PSD3: variants seen among roughly 807,000 people sequenced by gnomAD.
PSD3 encodes PH and SEC7 domain-containing protein 3.
PSD3 carries 49 observed loss-of-function variants against 105.5 expected under a neutral mutation model. The observed-to-expected ratio is 0.46, with a 90% CI of 0.37 to 0.59. The LOEUF (loss-of-function observed/expected upper bound fraction) is 0.59, where lower values mean the gene tolerates loss of function less well. Ranked by LOEUF, PSD3 falls within the 20% of genes least tolerant of loss-of-function variation. The probability of loss-of-function intolerance (pLI) is 0.00; values close to 1 mark genes in which losing one functional copy is unlikely to be tolerated. For missense variants in PSD3, 1,561 were observed against 1,263.8 expected, an observed-to-expected ratio of 1.24 and a Z score of -3.57; for synonymous variants, 557 against 457.8, an observed-to-expected ratio of 1.22 and a Z score of -2.77.
intron 10 of PSD3, among the ~76,000 whole-genome samples, chr8:18,636,945 T>G (rs775621841): frequency 6.6e-6 from 1 of 152,198 alleles, no homozygotes; most frequent in Non-Finnish European, 1.5e-5. Flanking sequence ...CACATCTATA[T>G]TTGTGTATCC....
intron 9 of PSD3, among the ~76,000 whole-genome samples, chr8:18,732,188 C>A (rs900130232): frequency 4.0e-5 from 6 of 151,224 alleles, no homozygotes; most frequent in African/African-American, 1.2e-4. Flanking sequence ...GAAAAAAAAA[C>A]CCACTAACTA....
At chr8:18,606,079 A>C (rs1300780036) in intron 11 of PSD3, among the ~76,000 whole-genome samples, 2 of 152,226 alleles carry the variant, frequency 1.3e-5, no homozygotes, top group East Asian at 3.9e-4. Context: ...GTCTAAGCAC[A>C]GGTTTCTTTA....
At chr8:18,582,378 T>A (rs1802876626) in intron 12 of PSD3, among the ~76,000 whole-genome samples, 1 of 152,134 alleles carries the variant, frequency 6.6e-6, no homozygotes, top group African/African-American at 2.4e-5. Flanking sequence ...TCTCTTAACA[T>A]CTCTGGTACC....
intron 2 of PSD3, among the ~76,000 whole-genome samples, chr8:18,917,524 G>A (rs1278427179): frequency 1.3e-5 from 2 of 152,088 alleles, no homozygotes; most frequent in Non-Finnish European, 2.9e-5. Flanking sequence ...ACGACCTACA[G>A]CAAGTCCTCA....
rs934837368 is a variant in PSD3 at position 18,832,032 on chromosome 8, A to G, written c.1635-27134T>C. 2.0e-5 allele frequency among the ~76,000 whole-genome samples: 3 copies of G among 152,156 alleles called. No homozygotes were observed. In the East Asian group the frequency reaches 5.8e-4, roughly 29 times the overall value. On this transcript the variant is annotated intron_variant, in intron 4 of 15. Coordinates refer to ENST00000327040, the MANE Select transcript of PSD3 (RefSeq NM_015310.4). Reference sequence around the variant, plus strand: ...ACCATCCAGGCTCACAAAAGCAAAAACCTTCCTTTCTGTTGCCAACAAAAC... The same window carrying G: ...ACCATCCAGGCTCACAAAAGCAAAAGCCTTCCTTTCTGTTGCCAACAAAAC...
At position 19,073,803 on chromosome 8, in the gene PSD3, T is replaced by TTA. The variant is rs576670507; in HGVS notation, c.324+10402_324+10403insTA. 1.2e-3 allele frequency among the ~76,000 whole-genome samples: 188 copies of TTA among 151,338 alleles called. 1 individual carries two copies. In the South Asian group the frequency reaches 0.015, roughly 12 times the overall value. On this transcript the variant is annotated intron_variant, in intron 1 of 1. Transcript: ENST00000521475. Reference sequence around the variant, plus strand: ...AATTGTGTTTTTTTCTTTTTCTTTTTTTTTTGAGACAGAATCTCGCTCTGT... The same window carrying TTA: ...AATTGTGTTTTTTTCTTTTTCTTTTTTATTTTTGAGACAGAATCTCGCTCTGT...
intron 9 of PSD3, chr8:18,721,160 C>A (rs1352658243): frequency 1.3e-5 from 2 of 152,028 alleles, no homozygotes; most frequent in Non-Finnish European, 2.9e-5. Flanking sequence ...CCACCGGACA[C>A]CCCTGAAAAC....
rs925176307 is a variant in PSD3 at position 19,084,606 on chromosome 8, T to A, written c.-77A>T. On this transcript the variant is annotated 5_prime_UTR_variant, in exon 1 of 2. Coordinates refer to the PSD3 transcript ENST00000521475. ...TGTCTTGGAGGCAGGGGCCTGGCAA[T>A]GCCTGTGATGTGGGGATCTGCAATC... The A allele has an allele frequency of 9.3e-5, 33 of 353,952 alleles. 1 individual carries two copies. Among genetic ancestry groups the A allele is most frequent in the African/African-American group, 5.3e-4 (25 of 46,822 alleles). The allele number at this position is 353,952 out of a possible 1,614,324, so 21.9% of individuals were successfully genotyped here. A position where few individuals can be genotyped will look rare whatever the true frequency, so the allele number is the denominator to read the frequency against.
chr8:18,723,780 AT>A (rs1803160371), intron 9 of PSD3, among the ~76,000 whole-genome samples: 1 of 152,224 alleles, frequency 6.6e-6, no homozygotes, highest in African/African-American at 2.4e-5. Flanking sequence ...AAATAAATAC[AT>A]TTTAAGAACA....
intron 9 of PSD3, among the ~76,000 whole-genome samples, chr8:18,738,221 G>A (rs1804296999): frequency 6.6e-6 from 1 of 152,106 alleles, no homozygotes. Context: ...CAAATTAGAG[G>A]CCTCCTGGCA....
chr8:18,756,189 C>G (rs1040319114), intron 9 of PSD3, among the ~76,000 whole-genome samples: 3 of 152,064 alleles, frequency 2.0e-5, no homozygotes, highest in African/African-American at 7.3e-5. Flanking sequence ...AAGAACTCAC[C>G]TACTCTAGGC....
chr8:18,844,251 A>G (rs1435532038), intron 4 of PSD3, among the ~76,000 whole-genome samples: 2 of 152,204 alleles, frequency 1.3e-5, no homozygotes, highest in African/African-American at 4.8e-5. Context: ...AAGAAAATAA[A>G]GTTCCCCTTC....
intron 9 of PSD3, among the ~76,000 whole-genome samples, chr8:18,674,024 C>T (rs190190766): frequency 7.8e-4 from 119 of 152,144 alleles, no homozygotes; most frequent in Non-Finnish European, 3.8e-4. Context: ...GTGCCTGTGG[C>T]TCCTGCTACT....
At chr8:18,644,156 C>G (rs1282140635) in intron 10 of PSD3, among the ~76,000 whole-genome samples, 1 of 152,254 alleles carries the variant, frequency 6.6e-6, no homozygotes, top group East Asian at 1.9e-4. Flanking sequence ...GTATCCATAA[C>G]AATATCTTTG....
chr8:18,599,128 CT>C (rs1489502496), intron 12 of PSD3, among the ~76,000 whole-genome samples: 1 of 152,060 alleles, frequency 6.6e-6, no homozygotes, highest in African/African-American at 2.4e-5. Flanking sequence ...AAGAACAAAG[CT>C]GTAGGCCTCA....
At chr8:18,927,144 G>T (rs1404505823) in intron 2 of PSD3, among the ~76,000 whole-genome samples, 1 of 152,104 alleles carries the variant, frequency 6.6e-6, no homozygotes, top group African/African-American at 2.4e-5. Context: ...CCCTCCCCAG[G>T]CACGCCACCT....
At chr8:18,588,327 T>C (rs1477677223) in intron 12 of PSD3, among the ~76,000 whole-genome samples, 2 of 152,204 alleles carry the variant, frequency 1.3e-5, no homozygotes, top group Non-Finnish European at 2.9e-5. Flanking sequence ...CTATGAAGTT[T>C]AAGCTTCCAT....
At chr8:18,919,748 T>G (rs928505048) in intron 2 of PSD3, among the ~76,000 whole-genome samples, 2 of 148,760 alleles carry the variant, frequency 1.3e-5, no homozygotes, top group Non-Finnish European at 3.0e-5. Context: ...ACTATCGCAA[T>G]AATAAAAAAC....
At chr8:18,990,949 C>A (rs945736722) in intron 1 of PSD3, among the ~76,000 whole-genome samples, 3 of 152,074 alleles carry the variant, frequency 2.0e-5, no homozygotes, top group African/African-American at 7.2e-5. Flanking sequence ...GTTAAAAGGA[C>A]CAGATGATCC....
Sources: allele counts gnomAD v4.1 joint callset (sites outside exome capture counted in the v4.1 genomes callset), GRCh38; gene constraint gnomAD v4.1.1; transcripts MANE v1.5; gene names NCBI Gene and HGNC (gene_info 2026-07-23, HGNC 2026-07-21).